NT5DC3: variants seen among roughly 807,000 people sequenced by gnomAD.
The protein encoded by NT5DC3 is 5'-nucleotidase domain-containing protein 3.
NT5DC3 carries 42 observed loss-of-function variants against 67.8 expected under a neutral mutation model. That is an observed-to-expected ratio of 0.62 (90% CI 0.48 to 0.80). NT5DC3 has a LOEUF of 0.80. NT5DC3 is among the 30% of genes least tolerant of loss of function. The pLI, the probability that NT5DC3 is intolerant of heterozygous loss-of-function variation, is 0.00. For synonymous variants in NT5DC3, 237 were observed against 255.6 expected (o/e 0.93, Z 0.69); for missense variants, 570 against 696.4 (o/e 0.82, Z 2.04).
At position 103,788,810 on chromosome 12, in the gene NT5DC3, C is replaced by G. The variant is rs778220799; in HGVS notation, c.1101+28G>C. 4.7e-6 allele frequency: 7 copies of G among 1,495,002 alleles called. No individual in the cohort carries two copies. The East Asian group carries it at 1.6e-4, about 34-fold the overall frequency. 92.6% of individuals were successfully genotyped at this position (1,495,002 alleles called of 1,614,324 possible). A position where few individuals can be genotyped will look rare whatever the true frequency, so the allele number is the denominator to read the frequency against. On this transcript the variant is annotated intron_variant, in intron 10 of 13. Transcript: ENST00000392876. ...TATTACCGACCACAAAGCAAAGCAACAAAAAGGATCAGCTGGTCATGAGAT... is the reference window on the plus strand; with the variant it reads ...TATTACCGACCACAAAGCAAAGCAAGAAAAAGGATCAGCTGGTCATGAGAT...
At chr12:103,788,734 A>C in intron 10 of NT5DC3, 104 bp downstream of exon 10, 1 of 783,618 alleles carries the variant, frequency 1.3e-6, no homozygotes, top group East Asian at 2.4e-5. Context: ...GGAATCACTC[A>C]GAACTGTGCC....
At chr12:103,827,708 TA>T (rs1200107329) in intron 1 of NT5DC3, among the ~76,000 whole-genome samples, 1 of 152,224 alleles carries the variant, frequency 6.6e-6, no homozygotes, top group Non-Finnish European at 1.5e-5. Flanking sequence ...CTTTAAAGTA[TA>T]AAAATTTCCT....
intron 9 of NT5DC3, among the ~76,000 whole-genome samples, chr12:103,789,447 A>AT (rs1465598789): frequency 6.6e-6 from 1 of 151,612 alleles, no homozygotes; most frequent in East Asian, 1.9e-4. Flanking sequence ...AAAAACAAAC[A>AT]AAAAAAAGAA....
At chr12:103,750,964 C>A in the NT5DC3 span, among the ~76,000 whole-genome samples, 1 of 152,274 alleles carries the variant, frequency 6.6e-6, no homozygotes, top group African/African-American at 2.4e-5. Flanking sequence ...TGGCAGTGCG[C>A]GCCTGTAATC....
intron 6 of NT5DC3, among the ~76,000 whole-genome samples, chr12:103,795,282 T>TGC (rs1391556739): frequency 6.6e-6 from 1 of 152,170 alleles, no homozygotes; most frequent in African/African-American, 2.4e-5. Context: ...TACCTTATAT[T>TGC]ATTATGAAGA....
chr12:103,748,353 G>A, the NT5DC3 span, among the ~76,000 whole-genome samples: 4 of 152,114 alleles, frequency 2.6e-5, no homozygotes, highest in Non-Finnish European at 5.9e-5. Flanking sequence ...CTAATCTATC[G>A]TTGGGTCGAT....
chr12:103,806,603 T>G (rs1390480353), intron 3 of NT5DC3, among the ~76,000 whole-genome samples: 2 of 152,176 alleles, frequency 1.3e-5, no homozygotes, highest in Admixed American at 6.5e-5. Flanking sequence ...TGGCAACTGG[T>G]TCCTCCTCCA....
Position 103,839,842 on chromosome 12 carries a change from T to C in NT5DC3, c.208+1107A>G, listed in dbSNP as rs1230259256. On this transcript the variant is annotated intron_variant, in intron 1 of 13. Transcript: ENST00000392876. The stretch of plus-strand genomic sequence containing the variant: ...CGTCCCCTCTGAAAATCACTCCAAT[T>C]TGCTTTTTTCATTAAACTGACTTCT... Among the ~76,000 whole-genome samples, 3 of 152,164 alleles carry C rather than the reference T, an allele frequency of 2.0e-5. No individual in the cohort carries two copies. In the East Asian group the frequency reaches 5.8e-4, roughly 29 times the overall value.
intron 12 of NT5DC3, among the ~76,000 whole-genome samples, chr12:103,781,550 G>A (rs1448677113): frequency 6.6e-6 from 1 of 152,118 alleles, no homozygotes; most frequent in East Asian, 1.9e-4. Flanking sequence ...TCTCTCATAG[G>A]AACAGCCCTC....
chr12:103,746,476 G>C, the NT5DC3 span: 1 of 815,418 alleles, frequency 1.2e-6, no homozygotes, highest in South Asian at 1.6e-5. Context: ...CCATCTTCCT[G>C]CTGTACAGGG....
chr12:103,811,302 G>A (rs1227432803), intron 2 of NT5DC3, among the ~76,000 whole-genome samples: 1 of 152,120 alleles, frequency 6.6e-6, no homozygotes, highest in Non-Finnish European at 1.5e-5. Context: ...GGGGAAGCAA[G>A]CCGGGAGCAA....
chr12:103,778,100 A>G lies in NT5DC3; in HGVS notation c.1395-19T>C. 1.3e-6 allele frequency: 2 copies of G among 1,585,174 alleles called. No homozygotes were observed. Among genetic ancestry groups the G allele is most frequent in the South Asian group, 1.1e-5 (1 of 87,584 alleles). On this transcript the variant is annotated intron_variant, in intron 13 of 13. Coordinates refer to ENST00000392876, the MANE Select transcript of NT5DC3 (RefSeq NM_001031701.3). The stretch of plus-strand genomic sequence containing the variant: ...CATTTCTCTGAAGAGGCAATAAAAA[A>G]GCAAAGCAACAGAGAATGATTCAAA...
the NT5DC3 span, among the ~76,000 whole-genome samples, chr12:103,762,804 G>A: frequency 6.6e-6 from 1 of 152,192 alleles, no homozygotes; most frequent in South Asian, 2.1e-4. Context: ...CAGGGCTAGG[G>A]ACCCTACACA....
intron 1 of NT5DC3, among the ~76,000 whole-genome samples, chr12:103,828,186 G>C (rs540525329): frequency 5.3e-5 from 8 of 152,344 alleles, no homozygotes; most frequent in African/African-American, 9.6e-5. Context: ...CATATGGAAG[G>C]GGAATCAAAA....
intron 4 of NT5DC3, among the ~76,000 whole-genome samples, chr12:103,805,354 C>T (rs1371905203): frequency 6.6e-6 from 1 of 152,150 alleles, no homozygotes; most frequent in African/African-American, 2.4e-5. Context: ...ATCTTTAATC[C>T]TGTTTGACTG....
intron 2 of NT5DC3, among the ~76,000 whole-genome samples, chr12:103,812,859 T>C (rs993141379): frequency 2.0e-5 from 3 of 152,230 alleles, no homozygotes; most frequent in South Asian, 2.1e-4. Context: ...CTAACCTTTA[T>C]TGAGTGTTTT....
chr12:103,831,212 G>A (rs903414577), intron 1 of NT5DC3, among the ~76,000 whole-genome samples: 4 of 152,154 alleles, frequency 2.6e-5, no homozygotes, highest in African/African-American at 9.7e-5. Context: ...TAGTGAGTGA[G>A]TCTCATGAGA....
chr12:103,834,070 C>A (rs757267462), intron 1 of NT5DC3, among the ~76,000 whole-genome samples: 4 of 151,704 alleles, frequency 2.6e-5, no homozygotes, highest in Non-Finnish European at 5.9e-5. Flanking sequence ...TAGCAGCAAC[C>A]CTGGCCTCTA....
Position 103,793,335 on chromosome 12 carries a change from C to G in NT5DC3, c.918-70G>C, listed in dbSNP as rs930534413. On this transcript the variant is annotated intron_variant, in intron 8 of 13. Coordinates refer to ENST00000392876, the MANE Select transcript of NT5DC3 (RefSeq NM_001031701.3). Reference sequence around the variant, plus strand: ...AACTGTGTCTGTAACTTTTTCTTTCCAATTTCCAGCTGCTAAAACAAATGG... The same window carrying G: ...AACTGTGTCTGTAACTTTTTCTTTCGAATTTCCAGCTGCTAAAACAAATGG... The G allele has an allele frequency of 4.5e-6, 7 of 1,560,688 alleles. No individual in the cohort carries two copies. In the African/African-American group the frequency reaches 9.5e-5, roughly 21 times the overall value.
Sources: allele counts gnomAD v4.1 joint callset (sites outside exome capture counted in the v4.1 genomes callset), GRCh38; gene constraint gnomAD v4.1.1; transcripts MANE v1.5; gene names NCBI Gene and HGNC (gene_info 2026-07-23, HGNC 2026-07-21).